Variants in HLA-DPB1 observed in about 807,000 individuals in gnomAD.
The protein encoded by HLA-DPB1 is HLA class II histocompatibility antigen, DP beta 1 chain.
HLA-DPB1 carries 30 observed loss-of-function variants against 29.4 expected under a neutral mutation model. The observed-to-expected ratio is 1.02, with a 90% CI of 0.76 to 1.38. The LOEUF (loss-of-function observed/expected upper bound fraction) is 1.38. Ranked by LOEUF, HLA-DPB1 falls within the 40% of genes most tolerant of loss-of-function variation. The pLI is 0.00. For synonymous variants in HLA-DPB1, 114 were observed against 134.0 expected, an observed-to-expected ratio of 0.85 and a Z score of 1.03; for missense variants, 261 against 327.5, an observed-to-expected ratio of 0.80 and a Z score of 1.57.
chr6:33,077,063 TC>T (rs562959696), intron 1 of HLA-DPB1, among the ~76,000 whole-genome samples: 85 of 87,716 alleles, frequency 9.7e-4, no homozygotes, highest in Middle Eastern at 5.2e-3. Context: ...ATGCTATCCC[TC>T]CCCCCTCCCC....
intron 2 of HLA-DPB1, 111 bp from the exon 3 acceptor site, chr6:33,084,839 G>A (rs1251443073): frequency 5.6e-5 from 40 of 709,012 alleles, no homozygotes; most frequent in Non-Finnish European, 7.4e-5. Context: ...GCGAGATTAT[G>A]TCTCAAAAAA....
At position 33,088,646 on chromosome 6, in the gene HLA-DPB1, A is replaced by G. The variant is rs1763221068; in HGVS notation, c.*2112A>G. 6.6e-6 allele frequency among the ~76,000 whole-genome samples: 1 copy of G among 152,130 alleles called. No homozygotes were observed. The highest frequency in any genetic ancestry group is 1.5e-5 in the Non-Finnish European group (1 of 68,030). ...GGACCACCTTGTCACTAGACTTCAA[A>G]TTTTCAATATTGATAGAGTGTTTTC... On this transcript the variant is annotated 3_prime_UTR_variant, in exon 6 of 6. Coordinates refer to ENST00000418931, the MANE Select transcript of HLA-DPB1 (RefSeq NM_002121.6).
At chr6:33,079,524 C>A in intron 1 of HLA-DPB1, 1 of 369,370 alleles carries the variant, frequency 2.7e-6, no homozygotes, top group South Asian at 2.3e-5. Flanking sequence ...AGGCACCAAT[C>A]AGACTGAAAT....
chr6:33,082,123 A>C (rs1762896045), intron 2 of HLA-DPB1: 1 of 152,310 alleles, frequency 6.6e-6, no homozygotes, highest in African/African-American at 2.4e-5. Flanking sequence ...AGGTGGACAC[A>C]CTGGGTGGGG....
intron 1 of HLA-DPB1, among the ~76,000 whole-genome samples, chr6:33,079,254 T>C (rs1431403): frequency 0.37 from 55,818 of 152,158 alleles, 11,633 homozygotes; most frequent in East Asian, 0.69. Context: ...GGCCTGAAGA[T>C]ACTCAAACAG....
chr6:33,082,014 A>G (rs1161708755), intron 2 of HLA-DPB1: 3 of 140,224 alleles, frequency 2.1e-5, no homozygotes, highest in Non-Finnish European at 3.1e-5. Flanking sequence ...TAGAAAGAGG[A>G]AAAAAATGAA....
intron 1 of HLA-DPB1, among the ~76,000 whole-genome samples, chr6:33,078,520 C>T (rs1418892406): frequency 1.3e-5 from 2 of 152,118 alleles, no homozygotes; most frequent in Non-Finnish European, 1.5e-5. Context: ...TTTAATATAT[C>T]CTATTCTGAA....
Position 33,089,634 on chromosome 6 carries a change from T to C in HLA-DPB1, c.*3100T>C, listed in dbSNP as rs1369877438. Among the ~76,000 whole-genome samples, 1 of 152,230 alleles carries C rather than the reference T, an allele frequency of 6.6e-6. No homozygotes were observed. Among genetic ancestry groups the C allele is most frequent in the African/African-American group, 2.4e-5 (1 of 41,458 alleles). The stretch of plus-strand genomic sequence containing the variant: ...ACTAACTTCAAATAAGTGGGAATAC[T>C]TGAAGGTGGAAAACATTTAAGAAGT... On this transcript the variant is annotated 3_prime_UTR_variant, in exon 6 of 6. Coordinates refer to ENST00000418931, the MANE Select transcript of HLA-DPB1 (RefSeq NM_002121.6).
At position 33,080,612 on chromosome 6, in the gene HLA-DPB1, AG is replaced by A; in HGVS notation, c.101-57del. The A allele has an allele frequency of 6.2e-7, 1 of 1,601,814 alleles. No homozygotes were observed. Among genetic ancestry groups the A allele is most frequent in the Non-Finnish European group, 8.5e-7 (1 of 1,170,148 alleles). ...AAGAATCGTTAATATTGAGAGAGAG[AG>A]GGAGAAAGAGGATTAGATGAGAGTG... On this transcript the variant is annotated intron_variant, in intron 1 of 5. Coordinates refer to ENST00000418931, the MANE Select transcript of HLA-DPB1 (RefSeq NM_002121.6). This position sits in a 1 kb window ranked among gnomAD's most constrained non-coding sequence, Gnocchi z 4.3.
chr6:33,084,909 A>G (rs778497630), intron 2 of HLA-DPB1, 41 bp from the exon 3 acceptor site: 1 of 1,174,632 alleles, frequency 8.5e-7, no homozygotes, highest in Middle Eastern at 2.0e-4. Context: ...AAGAAGGACA[A>G]TCTCAAATTC....
intron 1 of HLA-DPB1, among the ~76,000 whole-genome samples, chr6:33,078,036 G>C (rs578075276): frequency 1.3e-5 from 2 of 152,270 alleles, no homozygotes; most frequent in South Asian, 4.1e-4. Flanking sequence ...ACTGAACAGT[G>C]TCAGGAGGAA....
intron 5 of HLA-DPB1, 122 bp from the exon 6 acceptor site, chr6:33,086,417 G>A: frequency 1.4e-6 from 1 of 733,074 alleles, no homozygotes. Flanking sequence ...ATTGCTGAAG[G>A]AAGCAGAGAT....
chr6:33,076,686 C>A (rs1762557168), intron 1 of HLA-DPB1, among the ~76,000 whole-genome samples: 1 of 152,140 alleles, frequency 6.6e-6, no homozygotes, highest in Non-Finnish European at 1.5e-5. Flanking sequence ...ATTAAAGGTA[C>A]TTCTCCCAGC....
rs9277354 is a variant in HLA-DPB1 at position 33,080,912 on chromosome 6, G to A, written c.341G>A (p.Gly114Glu). The A allele has an allele frequency of 0.32, 510,179 of 1,588,554 alleles. 89,281 individuals carry two copies. The highest frequency in any genetic ancestry group is 0.61 in the East Asian group (27,358 of 44,698). ...RMCRHNYELG[G>E]PMTLQRRVQP... is the part of the protein sequence containing the mutation. The stretch of plus-strand genomic sequence containing the variant: ...TGCAGACACAACTACGAGCTGGGCG[G>A]GCCCATGACCCTGCAGCGCCGAGGT... The change falls in exon 2 of 6, where the codon GGG (glycine) becomes GAG (glutamate). Residue 114 changes from glycine (G) to glutamate (E), a missense_variant. Transcript: ENST00000418931. The surrounding 1 kb of genome is among the most constrained non-coding windows in gnomAD (Gnocchi z 4.3).
intron 1 of HLA-DPB1, among the ~76,000 whole-genome samples, chr6:33,079,073 G>T (rs1762704513): frequency 1.3e-5 from 2 of 152,198 alleles, no homozygotes; most frequent in Admixed American, 6.5e-5. Context: ...TGGACTCCAT[G>T]GTGCCCTTGA....
At position 33,080,567 on chromosome 6, in the gene HLA-DPB1, C is replaced by T. The variant is rs757370996; in HGVS notation, c.101-105C>T. 3.9e-6 allele frequency: 6 copies of T among 1,541,312 alleles called. No homozygotes were observed. The highest frequency in any genetic ancestry group is 5.4e-6 in the Non-Finnish European group (6 of 1,120,680). Reference sequence around the variant, plus strand: ...GAAAACTCCTATTTTAAAATCCAGCCCTGGGTGGGAAGATTTGGGAAGAAT... The same window carrying T: ...GAAAACTCCTATTTTAAAATCCAGCTCTGGGTGGGAAGATTTGGGAAGAAT... On this transcript the variant is annotated intron_variant, in intron 1 of 5. Coordinates refer to ENST00000418931, the MANE Select transcript of HLA-DPB1 (RefSeq NM_002121.6). The surrounding 1 kb of genome is among the most constrained non-coding windows in gnomAD (Gnocchi z 4.3).
rs751346150 is a variant in HLA-DPB1, at chr6:33,085,002, C to A, written c.417C>A (p.His139Gln). The A allele has an allele frequency of 1.2e-6, 2 of 1,611,636 alleles. No homozygotes were observed. Among genetic ancestry groups the A allele is most frequent in the South Asian group, 2.2e-5 (2 of 91,054 alleles). Reference protein sequence around the residue: ...SPSKKGPLQHHNLLVCHVTDF... With the variant: ...SPSKKGPLQHQNLLVCHVTDF... Reference sequence around the variant, plus strand: ...CCAAGAAGGGGCCCTTGCAGCACCACAACCTGCTTGTCTGCCACGTGACGG... The same window carrying A: ...CCAAGAAGGGGCCCTTGCAGCACCAAAACCTGCTTGTCTGCCACGTGACGG... Residue 139 changes from histidine to glutamine, a missense_variant, in exon 3 of 6, where the codon CAC becomes CAA. By Grantham distance (24) the His-to-Gln change is conservative. Coordinates refer to ENST00000418931, the MANE Select transcript of HLA-DPB1 (RefSeq NM_002121.6).
rs148674737 is a variant in HLA-DPB1 at position 33,076,765 on chromosome 6, G to C, written c.100+624G>C. 3.6e-3 allele frequency among the ~76,000 whole-genome samples: 541 copies of C among 152,246 alleles called. 2 individuals are homozygous for C. The highest frequency in any genetic ancestry group is 0.026 in the East Asian group (133 of 5,190). On this transcript the variant is annotated intron_variant, in intron 1 of 5. Transcript: ENST00000418931. ...TAGGAAGAATGAGATGAGGTTGTGT[G>C]GGTGCATGACAGGGATTGAGTGTAG...
intron 2 of HLA-DPB1, among the ~76,000 whole-genome samples, chr6:33,081,509 G>A (rs188306641): frequency 2.0e-5 from 3 of 152,270 alleles, no homozygotes; most frequent in Non-Finnish European, 2.9e-5. Context: ...AAACCCAAGT[G>A]CAGTGTGAGG....
Sources: allele counts gnomAD v4.1 joint callset (sites outside exome capture counted in the v4.1 genomes callset), GRCh38; gene constraint gnomAD v4.1.1; non-coding constraint Gnocchi (gnomAD v3.1); transcripts MANE v1.5; gene names NCBI Gene and HGNC (gene_info 2026-07-23, HGNC 2026-07-21).